SRP54: variants seen among roughly 807,000 people sequenced by gnomAD.
SRP54 encodes signal recognition particle 54, also known as signal recognition particle subunit SRP54.
In SRP54, 10 loss-of-function variants were observed where a neutral mutation model predicts 64.8. The ratio of observed to expected loss-of-function variants is 0.15; its 90% CI spans 0.10 to 0.26. SRP54 has a LOEUF of 0.26. Ranked by LOEUF, SRP54 falls within the 10% of genes least tolerant of loss-of-function variation. SRP54 has a pLI of 1.00. For synonymous variants in SRP54, 193 were observed against 185.6 expected, an observed-to-expected ratio of 1.04 and a Z score of -0.32; for missense variants, 325 against 613.7, an observed-to-expected ratio of 0.53 and a Z score of 4.97.
chr14:34,984,284 G>T (rs555040025), intron 1 of SRP54, among the ~76,000 whole-genome samples: 1 of 152,102 alleles, frequency 6.6e-6, no homozygotes, highest in Non-Finnish European at 1.5e-5. Context: ...TTTAAAAATT[G>T]ATTTTCTCCT....
At chr14:34,991,109 C>CTTTTTTTTTTTTT (rs71435838) in intron 1 of SRP54, among the ~76,000 whole-genome samples, 12 of 111,068 alleles carry the variant, frequency 1.1e-4, no homozygotes, top group African/African-American at 1.3e-4. Context: ...AATTTCTTTT[C>CTTTTTTTTTTTTT]TTTTTTTTTT....
intron 4 of SRP54, among the ~76,000 whole-genome samples, chr14:35,002,080 T>C (rs12878970): frequency 0.46 from 69,064 of 150,912 alleles, 16,462 homozygotes; most frequent in East Asian, 0.69. Context: ...GCAGGCCGGG[T>C]GCAGTGGCTC....
intron 2 of SRP54, among the ~76,000 whole-genome samples, chr14:34,999,014 G>GTTT (rs67731588): frequency 8.2e-5 from 3 of 36,668 alleles, no homozygotes; most frequent in Non-Finnish European, 1.4e-4. Flanking sequence ...TGTGTGTGTG[G>GTTT]TTTTTTTTTT....
At chr14:35,010,607 A>G (rs567761632) in intron 7 of SRP54, among the ~76,000 whole-genome samples, 1 of 152,130 alleles carries the variant, frequency 6.6e-6, no homozygotes, top group East Asian at 1.9e-4. Context: ...TTTACTGAAA[A>G]TACAAAAATT....
At chr14:35,013,585 G>A in intron 9 of SRP54, 91 bp downstream of exon 9, 2 of 1,415,542 alleles carry the variant, frequency 1.4e-6, no homozygotes, top group Non-Finnish European at 1.9e-6. Flanking sequence ...TTTAAAATAT[G>A]TTTCAATAGT....
In SRP54 at chr14:34,988,578, A is replaced by AAAATAT. The variant is rs1384552218; in HGVS notation, c.-34+5364_-34+5365insAATATA. On this transcript the variant is annotated intron_variant, in intron 1 of 15. Coordinates refer to ENST00000216774, the MANE Select transcript of SRP54 (RefSeq NM_003136.4). Reference sequence around the variant, plus strand: ...TCCATCTCAAAAAAAAAAAAAAAAAAATATATATATATATATAACATATAT... The same window carrying AAAATAT: ...TCCATCTCAAAAAAAAAAAAAAAAAAAAATATATATATATATATATATAACATATAT... Among the ~76,000 whole-genome samples the AAAATAT allele has an allele frequency of 6.8e-4, 32 of 47,106 alleles. 1 individual carries two copies. The highest frequency in any genetic ancestry group is 1.2e-3 in the Non-Finnish European group (25 of 20,870). The allele number at this position is 47,106 out of a possible 152,430, so 30.9% of individuals were successfully genotyped here. A position where few individuals can be genotyped will look rare whatever the true frequency, so the allele number is the denominator to read the frequency against.
chr14:35,014,931 C>G, intron 11 of SRP54, 101 bp downstream of exon 11: 1 of 779,188 alleles, frequency 1.3e-6, no homozygotes, highest in Non-Finnish European at 2.1e-6. Context: ...CTGTTAGAGT[C>G]AGATCTTCCA....
intron 11 of SRP54, 121 bp from the exon 12 acceptor site, chr14:35,018,571 T>G: frequency 4.0e-6 from 3 of 758,020 alleles, no homozygotes; most frequent in Non-Finnish European, 6.5e-6. Flanking sequence ...TGGTGAATAT[T>G]TATTGATGTA....
At chr14:35,005,651 C>T (rs369697520) in intron 4 of SRP54, among the ~76,000 whole-genome samples, 1 of 152,156 alleles carries the variant, frequency 6.6e-6, no homozygotes, top group East Asian at 1.9e-4. Context: ...CTCCTTTGTC[C>T]CCCCGCTGAA....
At chr14:35,004,957 G>A (rs1026409005) in intron 4 of SRP54, among the ~76,000 whole-genome samples, 5 of 152,094 alleles carry the variant, frequency 3.3e-5, no homozygotes, top group Admixed American at 3.3e-4. Flanking sequence ...GGATGGCTTG[G>A]CAGACTTTCT....
chr14:35,014,923 G>A, intron 11 of SRP54, 93 bp downstream of exon 11: 1 of 870,848 alleles, frequency 1.1e-6, no homozygotes, highest in South Asian at 1.7e-5. Flanking sequence ...TGTAATATCT[G>A]TTAGAGTCAG....
At position 34,985,345 on chromosome 14, in the gene SRP54, TC is replaced by T. The variant is rs1240365122; in HGVS notation, c.-34+2133del. On this transcript the variant is annotated intron_variant, in intron 1 of 15. Coordinates refer to ENST00000216774, the MANE Select transcript of SRP54 (RefSeq NM_003136.4). Reference sequence around the variant, plus strand: ...AACTCCTCTGACTTTCAAACCACCTTCCCTTTTTGCCTTCCATTCATTGGTT... The same window carrying T: ...AACTCCTCTGACTTTCAAACCACCTTCCTTTTTGCCTTCCATTCATTGGTT... Among the ~76,000 whole-genome samples the T allele has an allele frequency of 4.6e-5, 7 of 152,308 alleles. No homozygotes were observed. In the Middle Eastern group the frequency reaches 0.01, roughly 222 times the overall value.
chr14:34,988,591 A>G (rs1434937978), intron 1 of SRP54, among the ~76,000 whole-genome samples: 1 of 128,228 alleles, frequency 7.8e-6, no homozygotes, highest in Non-Finnish European at 1.7e-5. Flanking sequence ...ATATATATAT[A>G]TATAACATAT....
chr14:35,019,769 A>C (rs2044495865), intron 13 of SRP54, among the ~76,000 whole-genome samples: 1 of 152,220 alleles, frequency 6.6e-6, no homozygotes, highest in African/African-American at 2.4e-5. Context: ...AGTCATACAG[A>C]TTGTTTTGGT....
chr14:35,027,902 T>C (rs2044659292), intron 14 of SRP54, 186 bp from the exon 15 acceptor site: 1 of 377,088 alleles, frequency 2.7e-6, no homozygotes, highest in Admixed American at 4.3e-5. Context: ...CTTCAAAAAA[T>C]AGTATGTAAT....
chr14:35,025,978 C>T (rs925179130), intron 14 of SRP54, among the ~76,000 whole-genome samples: 3 of 151,522 alleles, frequency 2.0e-5, no homozygotes, highest in African/African-American at 7.3e-5. Flanking sequence ...ATCCCATGAG[C>T]CCAGGAGGGC....
At position 35,018,711 on chromosome 14, in the gene SRP54, C is replaced by T. The variant is rs1007441575; in HGVS notation, c.993C>T (p.Asp331=). 6.2e-7 allele frequency: 1 copy of T among 1,613,348 alleles called. No homozygotes were observed. Among genetic ancestry groups the T allele is most frequent in the Non-Finnish European group, 8.5e-7 (1 of 1,179,726 alleles). ...KLKHGQFTLR[D]MYEQFQNIMK... ...TTTCAGGTCAGTTTACGTTGCGAGA[C>T]ATGTATGAGCAATTTCAAAATATCA... Residue 331 remains aspartate (D), a synonymous_variant, in exon 12 of 16, where the codon GAC becomes GAT. Transcript: ENST00000216774.
In SRP54 at chr14:35,011,605, C is replaced by T; in HGVS notation, c.582C>T (p.Arg194=). 6.3e-7 allele frequency: 1 copy of T among 1,592,254 alleles called. No individual in the cohort carries two copies. The change falls in exon 8 of 16, where the codon CGC becomes CGT. Residue 194 remains arginine, a synonymous_variant. Transcript: ENST00000216774. ...TTATTATTGTTGATACAAGTGGCCG[C>T]CACAAACAAGAAGACTCTTTGTTTG... The part of the protein sequence containing the change: ...FEIIIVDTSG[R]HKQEDSLFEE...
chr14:35,014,157 G>GGC (rs1360137418), intron 10 of SRP54, among the ~76,000 whole-genome samples: 2 of 152,020 alleles, frequency 1.3e-5, no homozygotes, highest in Non-Finnish European at 2.9e-5. Flanking sequence ...AATAATAGTG[G>GGC]ATGTAAGGGC....
Sources: allele counts gnomAD v4.1 joint callset (sites outside exome capture counted in the v4.1 genomes callset), GRCh38; gene constraint gnomAD v4.1.1; transcripts MANE v1.5; gene names NCBI Gene and HGNC (gene_info 2026-07-23, HGNC 2026-07-21).